The following SLC6A11 variants were observed in gnomAD, a reference collection of about 807,000 sequenced individuals.
The protein encoded by SLC6A11 is sodium- and chloride-dependent GABA transporter 3.
In SLC6A11, 25 loss-of-function variants were observed where a neutral mutation model predicts 74.8. The ratio of observed to expected loss-of-function variants is 0.33; its 90% CI spans 0.24 to 0.47. The LOEUF is 0.47. SLC6A11 is among the 20% of genes least tolerant of loss of function. The pLI is 1.00. For missense variants in SLC6A11, 574 were observed against 837.0 expected (o/e 0.69, Z 3.88); for synonymous variants, 330 against 330.2 (o/e 1.00, Z 0.01).
intron 5 of SLC6A11, among the ~76,000 whole-genome samples, chr3:10,865,681 C>T (rs550837352): frequency 6.6e-6 from 1 of 152,058 alleles, no homozygotes; most frequent in Non-Finnish European, 1.5e-5. Context: ...AACAAAAAAC[C>T]CTGTGGCTTC....
chr3:10,828,423 G>A (rs562008381), intron 4 of SLC6A11, among the ~76,000 whole-genome samples: 5 of 152,246 alleles, frequency 3.3e-5, no homozygotes, highest in East Asian at 1.9e-4. Context: ...TTTGAGTCAC[G>A]TGAATGTTTT....
chr3:10,839,199 G>C (rs1694406587), intron 4 of SLC6A11, among the ~76,000 whole-genome samples: 1 of 152,062 alleles, frequency 6.6e-6, no homozygotes, highest in Non-Finnish European at 1.5e-5. Context: ...ACACCAACCT[G>C]AAAACAAAAC....
chr3:10,853,943 C>A (rs374846727), intron 5 of SLC6A11, among the ~76,000 whole-genome samples: 1 of 152,178 alleles, frequency 6.6e-6, no homozygotes, highest in Non-Finnish European at 1.5e-5. Flanking sequence ...CTGCCAGGGC[C>A]CTGGCTTTCT....
chr3:10,884,584 G>A (rs1420281937), intron 6 of SLC6A11, among the ~76,000 whole-genome samples: 2 of 152,218 alleles, frequency 1.3e-5, no homozygotes, highest in African/African-American at 4.8e-5. Context: ...CTGTGTGAGG[G>A]ATACGGTACT....
chr3:10,910,287 A>G (rs2106624908), intron 6 of SLC6A11, among the ~76,000 whole-genome samples: 1 of 152,326 alleles, frequency 6.6e-6, no homozygotes, highest in Non-Finnish European at 1.5e-5. Context: ...GACTTGTACC[A>G]TGTAATCCAG....
intron 6 of SLC6A11, among the ~76,000 whole-genome samples, chr3:10,903,158 G>A (rs1424843638): frequency 1.3e-5 from 2 of 152,310 alleles, no homozygotes; most frequent in Non-Finnish European, 2.9e-5. Context: ...GCAAACACAA[G>A]CCAATTCGAG....
intron 4 of SLC6A11, among the ~76,000 whole-genome samples, chr3:10,833,181 C>T (rs1694320299): frequency 2.0e-5 from 3 of 152,206 alleles, no homozygotes; most frequent in African/African-American, 7.2e-5. Flanking sequence ...CCCACCTCAA[C>T]CTCCCAAGTA....
At chr3:10,884,244 T>C (rs1695016118) in intron 6 of SLC6A11, among the ~76,000 whole-genome samples, 1 of 152,232 alleles carries the variant, frequency 6.6e-6, no homozygotes. Flanking sequence ...GTTGAAACGC[T>C]GCTTGGGTAC....
chr3:10,916,149 A>G (rs900328177), intron 7 of SLC6A11, among the ~76,000 whole-genome samples: 1 of 152,224 alleles, frequency 6.6e-6, no homozygotes, highest in Non-Finnish European at 1.5e-5. Context: ...ACTTCAGGAA[A>G]CAGGCACAAG....
At chr3:10,887,232 G>C (rs1300453415) in intron 6 of SLC6A11, among the ~76,000 whole-genome samples, 1 of 151,938 alleles carries the variant, frequency 6.6e-6, no homozygotes, top group Non-Finnish European at 1.5e-5. Context: ...CAGATGGATA[G>C]ATAGATGCAT....
intron 6 of SLC6A11, among the ~76,000 whole-genome samples, chr3:10,911,019 G>A (rs1318057099): frequency 2.0e-5 from 3 of 151,850 alleles, no homozygotes; most frequent in African/African-American, 4.8e-5. Context: ...ACAGGGTTTC[G>A]CCATGTTGGC....
chr3:10,901,570 G>A (rs1309831208), intron 6 of SLC6A11, among the ~76,000 whole-genome samples: 1 of 152,218 alleles, frequency 6.6e-6, no homozygotes, highest in South Asian at 2.1e-4. Context: ...GGGCTTACAG[G>A]CCAAGAGCCT....
At chr3:10,853,028 G>C (rs1559560558) in intron 5 of SLC6A11, among the ~76,000 whole-genome samples, 1 of 152,196 alleles carries the variant, frequency 6.6e-6, no homozygotes, top group Non-Finnish European at 1.5e-5. Context: ...ATCCAGGGCT[G>C]CTTCACCTCT....
At chr3:10,910,565 T>C (rs1180122339) in intron 6 of SLC6A11, among the ~76,000 whole-genome samples, 1 of 152,104 alleles carries the variant, frequency 6.6e-6, no homozygotes, top group Non-Finnish European at 1.5e-5. Flanking sequence ...AAGCAGAGAC[T>C]ATTCTGTCAG....
In SLC6A11 at chr3:10,915,760, CCTT is replaced by C. The variant is rs759732224; in HGVS notation, c.996-2566_996-2564del. ...GTCCCTAAAGAGCTTCTCTGTCTCTCCTTCTGTCTCTCCATAATGTGAGGAAGT... is the reference window on the plus strand; with the variant it reads ...GTCCCTAAAGAGCTTCTCTGTCTCTCCTGTCTCTCCATAATGTGAGGAAGT... On this transcript the variant is annotated intron_variant, in intron 7 of 13. Transcript: ENST00000254488. This position sits in a 1 kb window ranked among gnomAD's most constrained non-coding sequence, Gnocchi z 4.3. 3.9e-5 allele frequency among the ~76,000 whole-genome samples: 6 copies of C among 152,156 alleles called. No homozygotes were observed. The highest frequency in any genetic ancestry group is 2.1e-4 in the South Asian group (1 of 4,816).
intron 6 of SLC6A11, among the ~76,000 whole-genome samples, chr3:10,904,526 T>C (rs528004383): frequency 6.6e-6 from 1 of 152,372 alleles, no homozygotes; most frequent in South Asian, 2.1e-4. Context: ...TCTCAGCTAC[T>C]GACCCAGCTT....
At chr3:10,916,082 C>T (rs899178859) in intron 7 of SLC6A11, among the ~76,000 whole-genome samples, 2 of 152,180 alleles carry the variant, frequency 1.3e-5, no homozygotes, top group Non-Finnish European at 2.9e-5. Context: ...CAAAGGCTTT[C>T]CTCCCTGGTA....
chr3:10,824,526 C>G (rs187837982), intron 4 of SLC6A11: 61 of 152,226 alleles, frequency 4.0e-4, no homozygotes, highest in African/African-American at 1.4e-3. Flanking sequence ...TATATATGCC[C>G]CAAATAGCAC....
intron 7 of SLC6A11, among the ~76,000 whole-genome samples, chr3:10,914,435 C>G (rs1466295876): frequency 6.6e-6 from 1 of 152,178 alleles, no homozygotes; most frequent in African/African-American, 2.4e-5. Context: ...AGTGGCACAG[C>G]CTATAGAGTT....
Sources: gnomAD v4.1 joint callset for allele counts (sites outside exome capture counted in the v4.1 genomes callset) on GRCh38, gnomAD v4.1.1 for gene constraint, Gnocchi (gnomAD v3.1) non-coding constraint, MANE v1.5 for transcripts, NCBI Gene and HGNC (gene_info 2026-07-23, HGNC 2026-07-21) for gene names.